SUB1: variants seen among roughly 807,000 people sequenced by gnomAD.
SUB1 encodes the protein activated RNA polymerase II transcriptional coactivator p15.
A neutral mutation model predicts 16.9 loss-of-function variants in SUB1; 1 was observed. The ratio of observed to expected loss-of-function variants is 0.06; its 90% confidence interval spans 0.02 to 0.28. The LOEUF (loss-of-function observed/expected upper bound fraction) is 0.28. SUB1 is among the 10% of genes least tolerant of loss of function. The pLI, the probability that SUB1 is intolerant of heterozygous loss-of-function variation, is 1.00. For synonymous variants in SUB1, 51 were observed against 46.9 expected (o/e 1.09, Z -0.36); for missense variants, 84 against 145.2 (o/e 0.58, Z 2.16).
At position 32,602,980 on chromosome 5, in the gene SUB1, T is replaced by A. The variant is rs1739153383; in HGVS notation, c.*1896T>A. ...ACAGAACTTTGATTTTTGGTGTAGATGCAGAGGGAATGATGGGTAAATTTC... is the reference window on the plus strand; with the variant it reads ...ACAGAACTTTGATTTTTGGTGTAGAAGCAGAGGGAATGATGGGTAAATTTC... On this transcript the variant is annotated 3_prime_UTR_variant, in exon 5 of 5. Coordinates refer to ENST00000265073, the MANE Select transcript of SUB1 (RefSeq NM_006713.4). 6.6e-6 allele frequency: 1 copy of A among 152,124 alleles called. No individual in the cohort carries two copies. The highest frequency in any genetic ancestry group is 1.5e-5 in the Non-Finnish European group (1 of 67,976). 9.4% of individuals were successfully genotyped at this position (152,124 alleles called of 1,614,324 possible).
At position 32,604,068 on chromosome 5, in the gene SUB1, G is replaced by A. The variant is rs1317953155; in HGVS notation, c.*2984G>A. 1.3e-5 allele frequency: 2 copies of A among 152,192 alleles called. No individual in the cohort carries two copies. Among genetic ancestry groups the A allele is most frequent in the Non-Finnish European group, 2.9e-5 (2 of 68,028 alleles). 9.4% of individuals were successfully genotyped at this position (152,192 alleles called of 1,614,324 possible). On this transcript the variant is annotated 3_prime_UTR_variant, in exon 5 of 5. Transcript: ENST00000265073. ...GAATATTTTAAATGTTGAAATAAAAGTAAGAAATGTGCCCTTTGTGTTATC... is the reference window on the plus strand; with the variant it reads ...GAATATTTTAAATGTTGAAATAAAAATAAGAAATGTGCCCTTTGTGTTATC...
At position 32,591,571 on chromosome 5, in the gene SUB1, G is replaced by C; in HGVS notation, c.81G>C (p.Arg27Ser). ...ACCATATTCTTTTCTAGTTAAAGAG[G>C]AAAAAGCAAGTTGCTCCAGAAAAAC... ...SDSEVDKKLK[R>S]KKQVAPEKPV... The change falls in exon 3 of 5, where the codon AGG becomes AGC. Residue 27 changes from arginine (R) to serine (S), a missense_variant. Physicochemically the swap from Arg to Ser is moderately radical, Grantham distance 110. This residue lies in a region of SUB1 where 60 missense variants were observed against 64.9 expected (regional missense o/e 0.92). Coordinates refer to ENST00000265073, the MANE Select transcript of SUB1 (RefSeq NM_006713.4). 6.3e-7 allele frequency: 1 copy of C among 1,597,018 alleles called. No homozygotes were observed. The highest frequency in any genetic ancestry group is 1.8e-5 in the Admixed American group (1 of 55,660).
intron 4 of SUB1, 58 bp downstream of exon 4, chr5:32,599,127 G>C: frequency 3.9e-6 from 5 of 1,275,646 alleles, no homozygotes; most frequent in Non-Finnish European, 5.6e-6. Flanking sequence ...CAACTTTTCT[G>C]AGTAGCTTAC....
intron 2 of SUB1, 37 bp downstream of exon 2, chr5:32,588,621 C>T: frequency 6.3e-7 from 1 of 1,588,084 alleles, no homozygotes; most frequent in Non-Finnish European, 8.6e-7. Flanking sequence ...TGGTGATACT[C>T]AACAATATTG....
intron 3 of SUB1, among the ~76,000 whole-genome samples, chr5:32,592,212 A>G (rs972261228): frequency 3.9e-5 from 6 of 152,220 alleles, no homozygotes; most frequent in Non-Finnish European, 8.8e-5. Flanking sequence ...ATTTAAACCA[A>G]TGCAAATTTA....
chr5:32,598,975 G>C lies in SUB1; in HGVS notation c.210G>C (p.Arg70Ser). The C allele has an allele frequency of 6.2e-7, 1 of 1,612,876 alleles. No individual in the cohort carries two copies. Among genetic ancestry groups the C allele is most frequent in the Non-Finnish European group, 8.5e-7 (1 of 1,179,434 alleles). The change falls in exon 4 of 5, where the codon AGG (arginine) becomes AGC (serine). Residue 70 changes from arginine (R) to serine (S), a missense_variant. Transcript: ENST00000265073. ...TTCTTTTGCAGATTGGGAAAATGAG[G>C]TACGTTAGTGTTCGCGATTTTAAAG... ...DDNMFQIGKMRYVSVRDFKGK... is the reference protein window; with the variant it reads ...DDNMFQIGKMSYVSVRDFKGK...
rs769055508 is a variant in SUB1, at chr5:32,601,118, C to G, written c.*34C>G. ...CCATATAAATAAAACCTGTACTGTT[C>G]TAGTTGTTTTAATCTGTCTTTTTAC... On this transcript the variant is annotated 3_prime_UTR_variant, in exon 5 of 5. Coordinates refer to ENST00000265073, the MANE Select transcript of SUB1 (RefSeq NM_006713.4). 40 of 1,533,198 alleles carry G rather than the reference C, an allele frequency of 2.6e-5. No homozygotes were observed. The highest frequency in any genetic ancestry group is 2.9e-5 in the Non-Finnish European group (32 of 1,113,956). 95.0% of individuals were successfully genotyped at this position (1,533,198 alleles called of 1,614,324 possible). A position where few individuals can be genotyped will look rare whatever the true frequency, so the allele number is the denominator to read the frequency against.
intron 1 of SUB1, chr5:32,586,028 C>G (rs770429895): frequency 6.6e-6 from 1 of 152,428 alleles, no homozygotes; most frequent in East Asian, 1.9e-4. Context: ...GCGGGGCGCT[C>G]TGGAGACTGG....
intron 1 of SUB1, among the ~76,000 whole-genome samples, chr5:32,587,888 C>T (rs6884626): frequency 0.24 from 37,171 of 152,062 alleles, 5,668 homozygotes; most frequent in Non-Finnish European, 0.33. Flanking sequence ...GGATTACAGG[C>T]GTGAACCATC....
At chr5:32,586,556 C>T (rs1356369098) in intron 1 of SUB1, 6 of 151,892 alleles carry the variant, frequency 4.0e-5, no homozygotes, top group African/African-American at 1.2e-4. Flanking sequence ...CGTTACCTTT[C>T]TTCTCCAGTG....
intron 2 of SUB1, among the ~76,000 whole-genome samples, chr5:32,589,097 T>A (rs1305183571): frequency 6.6e-6 from 1 of 152,088 alleles, no homozygotes; most frequent in Non-Finnish European, 1.5e-5. Flanking sequence ...AATGTTAATT[T>A]TTTTTTTTAA....
At chr5:32,591,802 G>T in intron 3 of SUB1, 117 bp downstream of exon 3, 1 of 1,209,330 alleles carries the variant, frequency 8.3e-7, no homozygotes. Flanking sequence ...CTGAGTTCAA[G>T]CAGTTCTCTG....
chr5:32,592,893 T>C (rs1738865655), intron 3 of SUB1, among the ~76,000 whole-genome samples: 2 of 152,008 alleles, frequency 1.3e-5, no homozygotes, highest in Admixed American at 6.5e-5. Flanking sequence ...AAAAAGAGGA[T>C]GTAGGTTAAG....
chr5:32,595,220 G>A (rs964968895), intron 3 of SUB1: 2 of 151,432 alleles, frequency 1.3e-5, no homozygotes, highest in Non-Finnish European at 2.9e-5. Flanking sequence ...TTGAGGTATA[G>A]TTTATGTCCA....
chr5:32,598,370 A>G (rs945917646), intron 3 of SUB1: 3 of 152,288 alleles, frequency 2.0e-5, no homozygotes, highest in Admixed American at 6.5e-5. Flanking sequence ...GTGAGAGATC[A>G]CTTTTTACTG....
chr5:32,593,653 A>T (rs1026933857), intron 3 of SUB1, among the ~76,000 whole-genome samples: 1 of 150,582 alleles, frequency 6.6e-6, no homozygotes, highest in African/African-American at 2.4e-5. Flanking sequence ...CTGACATTGC[A>T]CCTTTTGAAA....
At chr5:32,596,718 T>A (rs369993122) in intron 3 of SUB1, 3 of 152,118 alleles carry the variant, frequency 2.0e-5, no homozygotes, top group African/African-American at 7.2e-5. Flanking sequence ...ATATATCCAA[T>A]GCGTGTGTAT....
At position 32,592,586 on chromosome 5, in the gene SUB1, G is replaced by GTGA. The variant is rs201598942; in HGVS notation, c.195+903_195+905dup. ...TTGTAGGCTTTAATCTGTATGTGAG[G>GTGA]TGATAAGGGCTTAGATGGTTTTTCC... On this transcript the variant is annotated intron_variant, in intron 3 of 4. Transcript: ENST00000265073. Among the ~76,000 whole-genome samples the GTGA allele has an allele frequency of 1.9e-3, 296 of 152,282 alleles. 4 individuals carry two copies. Among genetic ancestry groups the GTGA allele is most frequent in the Admixed American group, 0.015 (229 of 15,294 alleles).
At chr5:32,591,754 G>A (rs890106368) in intron 3 of SUB1, 69 bp downstream of exon 3, 3 of 1,453,260 alleles carry the variant, frequency 2.1e-6, no homozygotes, top group African/African-American at 1.5e-5. Flanking sequence ...AGGCTGGAGT[G>A]CAGTGGCGCC....
Sources: gnomAD v4.1 joint callset for allele counts (sites outside exome capture counted in the v4.1 genomes callset) on GRCh38, gnomAD v4.1.1 for gene constraint, gnomAD v4.1.1 regional missense constraint, MANE v1.5 for transcripts, NCBI Gene and HGNC (gene_info 2026-07-23, HGNC 2026-07-21) for gene names.